WNK3: variants seen among roughly 807,000 people sequenced by gnomAD.
The protein encoded by WNK3 is WNK lysine deficient protein kinase 3.
Under a neutral mutation model 116.7 loss-of-function variants are expected in WNK3, and 18 were observed. The ratio of observed to expected loss-of-function variants is 0.15; its 90% CI spans 0.11 to 0.23. The LOEUF (loss-of-function observed/expected upper bound fraction) is 0.23. WNK3 is among the 10% of genes least tolerant of loss of function. The probability of loss-of-function intolerance (pLI) is 1.00; values close to 1 mark genes in which losing one functional copy is unlikely to be tolerated. For synonymous variants in WNK3, 404 were observed against 469.4 expected (o/e 0.86, Z 1.80); for missense variants, 993 against 1,323.8 (o/e 0.75, Z 3.88).
rs2068165706 is a variant in WNK3, at chrX:54,254,150, A to G, written c.2251-75T>C. 13 of 602,183 alleles carry G rather than the reference A, an allele frequency of 2.2e-5. No individual in the cohort carries two copies. The South Asian group carries it at 3.0e-4, about 14-fold the overall frequency. 49.6% of individuals were successfully genotyped at this position (602,183 alleles called of 1,213,427 possible). On this transcript the variant is annotated intron_variant, in intron 12 of 23. Coordinates refer to ENST00000354646, the Ensembl canonical transcript of WNK3. ...TGCAAATTGTGCAAGGAACATCTAC[A>G]CTAGTTCACGTACAATATATGTGGA... is the stretch of plus-strand genomic sequence containing the variant.
At chrX:54,296,590 T>C (rs2068700883) in intron 7 of WNK3, among the ~76,000 whole-genome samples, 1 of 111,058 alleles carries the variant, frequency 9.0e-6, no homozygotes, top group African/African-American at 3.3e-5. Context: ...AGGGTGATAG[T>C]TGTGTACCAG....
At position 54,321,933 on chromosome X, in the gene WNK3, G is replaced by A. The variant is rs782020673; in HGVS notation, c.538-10642C>T. On this transcript the variant is annotated intron_variant, in intron 2 of 23. Coordinates refer to ENST00000354646, the Ensembl canonical transcript of WNK3. Reference sequence around the variant, plus strand: ...CCGGAGGCAGAGGTTGCAGTGAGCCGAGATCACGCCATCGCACTCCAGCCT... The same window carrying A: ...CCGGAGGCAGAGGTTGCAGTGAGCCAAGATCACGCCATCGCACTCCAGCCT... Among the ~76,000 whole-genome samples the A allele has an allele frequency of 4.0e-4, 42 of 104,693 alleles. No individual in the cohort carries two copies. The East Asian group carries it at 0.011, about 27-fold the overall frequency. The allele number at this position is 104,693 out of a possible 115,157, so 90.9% of individuals were successfully genotyped here.
intron 22 of WNK3, 55 bp from the exon 23 acceptor site, chrX:54,202,248 T>C: frequency 9.3e-7 from 1 of 1,080,625 alleles, no homozygotes; most frequent in Admixed American, 2.7e-5. Flanking sequence ...TTAAAACTGA[T>C]AATCAGATAA....
intron 10 of WNK3, among the ~76,000 whole-genome samples, chrX:54,283,875 AAAAAAG>A (rs1454521815): frequency 9.1e-6 from 1 of 109,455 alleles, no homozygotes; most frequent in Non-Finnish European, 1.9e-5. Context: ...GAAAAAAAAA[AAAAAAG>A]AAACTTGACC....
At chrX:54,291,446 G>C (rs782040872) in intron 10 of WNK3, among the ~76,000 whole-genome samples, 25 of 112,218 alleles carry the variant, frequency 2.2e-4, no homozygotes, top group Non-Finnish European at 4.5e-4. Context: ...AAATAAGCAA[G>C]TAACATTTTG....
At chrX:54,314,914 A>G (rs1687757500) in intron 2 of WNK3, among the ~76,000 whole-genome samples, 3 of 111,287 alleles carry the variant, frequency 2.7e-5, no homozygotes, top group Non-Finnish European at 5.6e-5. Flanking sequence ...TACTTCACCT[A>G]GCCCCCATTC....
chrX:54,201,935 C>A, intron 23 of WNK3, 56 bp downstream of exon 23: 1 of 1,084,877 alleles, frequency 9.2e-7, no homozygotes, highest in Non-Finnish European at 1.3e-6. Context: ...CTAAGCGCAT[C>A]AATTTTTATG....
chrX:54,201,487 T>C (rs782565680), intron 23 of WNK3, among the ~76,000 whole-genome samples: 6 of 112,286 alleles, frequency 5.3e-5, no homozygotes, highest in African/African-American at 1.3e-4. Context: ...TCTAAGAATA[T>C]TGACGTGAAA....
intron 13 of WNK3, among the ~76,000 whole-genome samples, chrX:54,253,087 C>A (rs1306827838): frequency 1.8e-5 from 2 of 109,082 alleles, no homozygotes; most frequent in Admixed American, 9.9e-5. Flanking sequence ...GGGAGGGATA[C>A]CCCATTTACC....
At position 54,320,569 on chromosome X, in the gene WNK3, C is replaced by T. The variant is rs782156806; in HGVS notation, c.538-9278G>A. Among the ~76,000 whole-genome samples, 5 of 111,950 alleles carry T rather than the reference C, an allele frequency of 4.5e-5. No homozygotes were observed. In the South Asian group the frequency reaches 1.9e-3, roughly 42 times the overall value. On this transcript the variant is annotated intron_variant, in intron 2 of 23. Coordinates refer to ENST00000354646, the Ensembl canonical transcript of WNK3. ...AGGGTCTCACTCTGTGTTGCCCAGG[C>T]TGGAGTGCAGTGGCACGATCATAGT...
At chrX:54,196,182 T>A (rs1297200389) in exon 24 of WNK3, 1 of 111,386 alleles carries the variant, frequency 9.0e-6, no homozygotes, top group South Asian at 3.8e-4. Context: ...ATTACACTAA[T>A]GTCCTAAAAT....
chrX:54,308,163 T>C, intron 4 of WNK3, 84 bp from the exon 5 acceptor site: 2 of 873,147 alleles, frequency 2.3e-6, no homozygotes, highest in East Asian at 6.7e-5. Flanking sequence ...ATAAGGATTA[T>C]CTGTGTTAAT....
chrX:54,197,093 C>T (rs1312750942), exon 24 of WNK3: 1 of 112,115 alleles, frequency 8.9e-6, no homozygotes, highest in Non-Finnish European at 1.9e-5. Flanking sequence ...TCGAAACCTA[C>T]TGTGTCAAGT....
In WNK3 at chrX:54,202,202, CA is replaced by C. The variant is rs782301935; in HGVS notation, c.4871-10del. The C allele has an allele frequency of 5.2e-6, 6 of 1,162,909 alleles. No homozygotes were observed. The highest frequency in any genetic ancestry group is 3.0e-5 in the East Asian group (1 of 32,935). The stretch of plus-strand genomic sequence containing the variant: ...CTCCACACACAGTGGATCTATAAGA[CA>C]AAAAAAACAACAACAGGGAAACCAT... On this transcript the variant is annotated splice_polypyrimidine_tract_variant and intron_variant, in intron 22 of 23. Transcript: ENST00000354646.
chrX:54,347,791 G>A (rs2069457048), intron 1 of WNK3, among the ~76,000 whole-genome samples: 1 of 107,462 alleles, frequency 9.3e-6, no homozygotes, highest in African/African-American at 3.4e-5. Context: ...ATACAATCAT[G>A]TGGCTCAAAT....
intron 17 of WNK3, among the ~76,000 whole-genome samples, chrX:54,245,042 A>C (rs1358397120): frequency 9.0e-6 from 1 of 111,505 alleles, no homozygotes; most frequent in Non-Finnish European, 1.9e-5. Context: ...GATAAAACAA[A>C]AATCCCTGTA....
At chrX:54,232,865 T>C in exon 21 of WNK3, 15 of 1,211,818 alleles carry the variant, frequency 1.2e-5, no homozygotes, top group Non-Finnish European at 1.7e-5. Context: ...GCTTCGAAGT[T>C]TGCTTTTGAA....
chrX:54,308,835 G>A (rs1220846916), intron 4 of WNK3, among the ~76,000 whole-genome samples: 1 of 111,983 alleles, frequency 8.9e-6, no homozygotes, highest in African/African-American at 3.2e-5. Context: ...TTAAGGGCCA[G>A]ATAGTAAACT....
At chrX:54,226,027 G>C (rs2067831671) in intron 22 of WNK3, among the ~76,000 whole-genome samples, 1 of 78,619 alleles carries the variant, frequency 1.3e-5, no homozygotes, top group African/African-American at 5.1e-5. Flanking sequence ...AGGGTACCAA[G>C]ACAACTCAAT....
Sources: gnomAD v4.1 joint callset for allele counts (sites outside exome capture counted in the v4.1 genomes callset) on GRCh38, gnomAD v4.1.1 for gene constraint, MANE v1.5 for transcripts, NCBI Gene and HGNC (gene_info 2026-07-23, HGNC 2026-07-21) for gene names.